The following SPATA6 variants were observed in gnomAD, a reference collection of about 807,000 sequenced individuals.
SPATA6 encodes the protein spermatogenesis-associated protein 6.
A neutral mutation model predicts 65.3 loss-of-function variants in SPATA6; 56 were observed. The ratio of observed to expected loss-of-function variants is 0.86; its 90% CI spans 0.69 to 1.07. SPATA6 has a LOEUF of 1.07. Among genes scored for constraint, SPATA6 ranks in the 50% least tolerant of loss-of-function variants. The pLI is 0.00. For synonymous variants in SPATA6, 199 were observed against 213.2 expected (o/e 0.93, Z 0.58); for missense variants, 590 against 594.8 (o/e 0.99, Z 0.08).
At chr1:48,317,896 C>A (rs1256837691) in intron 11 of SPATA6, among the ~76,000 whole-genome samples, 1 of 151,984 alleles carries the variant, frequency 6.6e-6, no homozygotes, top group East Asian at 1.9e-4. Context: ...AATACAGATG[C>A]AAAATTTCTC....
Position 48,359,588 on chromosome 1 carries a change from T to C in SPATA6, c.1092A>G (p.Glu364=), listed in dbSNP as rs1314211111. 3 of 1,612,634 alleles carry C rather than the reference T, an allele frequency of 1.9e-6. No homozygotes were observed. The highest frequency in any genetic ancestry group is 2.5e-6 in the Non-Finnish European group (3 of 1,179,042). Residue 364 remains glutamate, a splice_region_variant and synonymous_variant, in exon 10 of 13, where the codon GAA becomes GAG. Coordinates refer to ENST00000371847, the MANE Select transcript of SPATA6 (RefSeq NM_019073.4). ...SPVLNRASLR[E]RFHSDWCSPS... ...AAATGAAGACCGCACATAATTACCT[T>C]TCCCTGAGAGAAGCTCTATTTAACA...
intron 11 of SPATA6, among the ~76,000 whole-genome samples, chr1:48,311,755 C>T (rs141486752): frequency 0.085 from 12,870 of 152,150 alleles, 786 homozygotes; most frequent in East Asian, 0.27. Context: ...GAGCGTGAGC[C>T]GAAGCAGGGC....
the SPATA6 span, among the ~76,000 whole-genome samples, chr1:48,271,769 C>T: frequency 5.3e-5 from 8 of 152,146 alleles, no homozygotes; most frequent in African/African-American, 1.7e-4. Context: ...ATTCAGTTTG[C>T]TAAGTGCTAT....
the SPATA6 span, among the ~76,000 whole-genome samples, chr1:48,265,974 A>G: frequency 0.8 from 122,268 of 152,128 alleles, 49,346 homozygotes; most frequent in African/African-American, 0.87. Flanking sequence ...CCAATTATGC[A>G]TGGTGAGTAG....
At chr1:48,324,677 T>G (rs1379397232) in intron 11 of SPATA6, among the ~76,000 whole-genome samples, 1 of 151,776 alleles carries the variant, frequency 6.6e-6, no homozygotes, top group Non-Finnish European at 1.5e-5. Flanking sequence ...AAAAACTGAG[T>G]ATATAAAGAA....
chr1:48,352,647 T>C (rs896983002), intron 11 of SPATA6, among the ~76,000 whole-genome samples: 10 of 151,882 alleles, frequency 6.6e-5, no homozygotes, highest in Non-Finnish European at 1.3e-4. Flanking sequence ...AAAGAGATAT[T>C]GGGGAAGAAG....
chr1:48,275,135 CTGTT>C, the SPATA6 span, among the ~76,000 whole-genome samples: 11 of 152,238 alleles, frequency 7.2e-5, no homozygotes, highest in African/African-American at 2.4e-4. Flanking sequence ...ATTTGGCTCT[CTGTT>C]TGTCTATTAT....
chr1:48,289,891 T>G, the SPATA6 span, among the ~76,000 whole-genome samples: 1 of 152,102 alleles, frequency 6.6e-6, no homozygotes, highest in Non-Finnish European at 1.5e-5. Flanking sequence ...TACCTGAAAG[T>G]GACAGGGAGA....
chr1:48,361,834 T>C (rs763596390), intron 9 of SPATA6, among the ~76,000 whole-genome samples: 1 of 152,168 alleles, frequency 6.6e-6, no homozygotes, highest in Non-Finnish European at 1.5e-5. Context: ...AACACTACCA[T>C]AATTTTCACT....
At chr1:48,352,316 G>C (rs1646533847) in intron 11 of SPATA6, among the ~76,000 whole-genome samples, 1 of 152,018 alleles carries the variant, frequency 6.6e-6, no homozygotes, top group Non-Finnish European at 1.5e-5. Context: ...TTCAAGATGA[G>C]ACTTGAGTGG....
intron 11 of SPATA6, chr1:48,325,054 C>T: frequency 3.0e-6 from 1 of 337,292 alleles, no homozygotes; most frequent in Admixed American, 3.6e-5. Flanking sequence ...CACCCAATCC[C>T]ACATTTCTCC....
At chr1:48,268,901 C>T in the SPATA6 span, among the ~76,000 whole-genome samples, 4 of 152,162 alleles carry the variant, frequency 2.6e-5, no homozygotes, top group Non-Finnish European at 5.9e-5. Flanking sequence ...TTATCAGGTA[C>T]AGTCTAGTCA....
intron 8 of SPATA6, among the ~76,000 whole-genome samples, chr1:48,387,041 T>A (rs1570412377): frequency 6.6e-6 from 1 of 152,206 alleles, no homozygotes. Context: ...CAGTTCCACG[T>A]AGCTGGGGAA....
rs148932942 is a variant in SPATA6 at position 48,304,674 on chromosome 1, C to T, written c.1286+1113G>A. 7.9e-4 allele frequency among the ~76,000 whole-genome samples: 120 copies of T among 152,208 alleles called. 3 individuals carry two copies. The South Asian group carries it at 0.024, about 30-fold the overall frequency. On this transcript the variant is annotated intron_variant, in intron 12 of 12. Coordinates refer to ENST00000371847, the MANE Select transcript of SPATA6 (RefSeq NM_019073.4). Reference sequence around the variant, plus strand: ...ATATCTCTTAAAATACAGATTTCCACATCTTACTTATATATAAGAACCAGC... The same window carrying T: ...ATATCTCTTAAAATACAGATTTCCATATCTTACTTATATATAAGAACCAGC...
At chr1:48,352,320 T>G (rs1308081202) in intron 11 of SPATA6, among the ~76,000 whole-genome samples, 1 of 152,040 alleles carries the variant, frequency 6.6e-6, no homozygotes, top group Non-Finnish European at 1.5e-5. Flanking sequence ...AGATGAGACT[T>G]GAGTGGGCAC....
chr1:48,389,304 C>G (rs1649813391), intron 8 of SPATA6, among the ~76,000 whole-genome samples: 1 of 151,896 alleles, frequency 6.6e-6, no homozygotes, highest in Non-Finnish European at 1.5e-5. Flanking sequence ...ATAAAGCGAC[C>G]AAATATACAA....
At chr1:48,425,147 C>T (rs1653717697) in intron 3 of SPATA6, among the ~76,000 whole-genome samples, 1 of 152,098 alleles carries the variant, frequency 6.6e-6, no homozygotes, top group African/African-American at 2.4e-5. Context: ...GTCTTCAATA[C>T]ATTTTGGTTT....
intron 11 of SPATA6, among the ~76,000 whole-genome samples, chr1:48,327,684 G>A (rs546120832): frequency 6.6e-6 from 1 of 152,186 alleles, no homozygotes; most frequent in Admixed American, 6.5e-5. Context: ...AACACAGATA[G>A]GCCAATGTCC....
At chr1:48,371,093 G>A (rs960145577) in intron 9 of SPATA6, among the ~76,000 whole-genome samples, 7 of 152,120 alleles carry the variant, frequency 4.6e-5, no homozygotes, top group South Asian at 2.1e-4. Flanking sequence ...TTTAATTCAG[G>A]AATGTTAAAG....
Sources: allele counts gnomAD v4.1 joint callset (sites outside exome capture counted in the v4.1 genomes callset), GRCh38; gene constraint gnomAD v4.1.1; transcripts MANE v1.5; gene names NCBI Gene and HGNC (gene_info 2026-07-23, HGNC 2026-07-21).